Variants in RALGAPA1 observed in about 807,000 individuals in gnomAD.
RALGAPA1 encodes the protein ral GTPase-activating protein subunit alpha-1.
In RALGAPA1, 52 loss-of-function variants were observed where a neutral mutation model predicts 269.6. The observed-to-expected ratio is 0.19, with a 90% confidence interval of 0.15 to 0.24. RALGAPA1 has a LOEUF of 0.24. RALGAPA1 is among the 10% of genes least tolerant of loss of function. The pLI, the probability that RALGAPA1 is intolerant of heterozygous loss-of-function variation, is 1.00. For synonymous variants in RALGAPA1, 817 were observed against 1,008.3 expected (o/e 0.81, Z 3.60); for missense variants, 1,917 against 3,013.9 (o/e 0.64, Z 8.52).
intron 41 of RALGAPA1, among the ~76,000 whole-genome samples, chr14:35,547,960 T>C (rs566141715): frequency 7.9e-5 from 12 of 151,804 alleles, no homozygotes; most frequent in African/African-American, 2.4e-4. Flanking sequence ...TTGTGCCTTT[T>C]GAATTTATTT....
intron 37 of RALGAPA1, 90 bp from the exon 38 acceptor site, chr14:35,572,808 A>G (rs2057308682): frequency 1.1e-6 from 1 of 895,982 alleles, no homozygotes; most frequent in Non-Finnish European, 1.6e-6. Flanking sequence ...GGGAAAAACG[A>G]AATTAAAAAA....
At chr14:35,646,305 A>C (rs1436724013) in intron 31 of RALGAPA1, among the ~76,000 whole-genome samples, 1 of 152,194 alleles carries the variant, frequency 6.6e-6, no homozygotes, top group African/African-American at 2.4e-5. Flanking sequence ...AAAAGGATTA[A>C]ACAGTAGCTT....
intron 24 of RALGAPA1, 103 bp downstream of exon 24, chr14:35,674,077 A>G (rs748551488): frequency 2.5e-6 from 2 of 810,518 alleles, no homozygotes; most frequent in Non-Finnish European, 3.9e-6. Context: ...CTGGTTAAAA[A>G]CTAAGTGCTC....
chr14:35,734,672 A>G (rs1028395461), intron 12 of RALGAPA1, among the ~76,000 whole-genome samples: 14 of 152,334 alleles, frequency 9.2e-5, no homozygotes, highest in African/African-American at 3.4e-4. Context: ...AGAACCCAAA[A>G]GCAGTATAAA....
At chr14:35,543,705 C>T (rs554928190) in intron 41 of RALGAPA1, among the ~76,000 whole-genome samples, 6 of 152,298 alleles carry the variant, frequency 3.9e-5, no homozygotes, top group Non-Finnish European at 5.9e-5. Flanking sequence ...TGCAGTGGCG[C>T]GATTTCAGCT....
intron 6 of RALGAPA1, among the ~76,000 whole-genome samples, chr14:35,757,911 C>G (rs2073328791): frequency 2.0e-5 from 3 of 152,114 alleles, no homozygotes; most frequent in Admixed American, 6.6e-5. Context: ...AAAAATTATT[C>G]TTTAAATTAT....
chr14:35,737,759 C>CAAAAAAAAAAAAAAAAAAAAAAA lies in RALGAPA1; in HGVS notation c.1587+731_1587+753dup, dbSNP rs60152249. Among the ~76,000 whole-genome samples, 4 of 17,418 alleles carry CAAAAAAAAAAAAAAAAAAAAAAA rather than the reference C, an allele frequency of 2.3e-4. 1 individual carries two copies. The highest frequency in any genetic ancestry group is 7.2e-4 in the African/African-American group (3 of 4,172). The allele number at this position is 17,418 out of a possible 152,430, so 11.4% of individuals were successfully genotyped here. A position where few individuals can be genotyped will look rare whatever the true frequency, so the allele number is the denominator to read the frequency against. ...GGGCAACAACAGTGAAAATCCATCTCAAAAAAAAAAAAAAAAAAAAAAAAA... is the reference window on the plus strand; with the variant it reads ...GGGCAACAACAGTGAAAATCCATCTCAAAAAAAAAAAAAAAAAAAAAAAAAAAAAAAAAAAAAAAAAAAAAAAA... On this transcript the variant is annotated intron_variant, in intron 12 of 41. Transcript: ENST00000680220.
At chr14:35,715,445 T>C (rs2068730929) in intron 16 of RALGAPA1, among the ~76,000 whole-genome samples, 1 of 152,182 alleles carries the variant, frequency 6.6e-6, no homozygotes, top group Admixed American at 6.5e-5. Flanking sequence ...TCAAACATGG[T>C]TATTTTATAG....
At chr14:35,548,057 C>A (rs2054607190) in intron 41 of RALGAPA1, among the ~76,000 whole-genome samples, 1 of 152,016 alleles carries the variant, frequency 6.6e-6, no homozygotes, top group Non-Finnish European at 1.5e-5. Context: ...TTTCCTGCTT[C>A]CCTTGAATAC....
intron 7 of RALGAPA1, 54 bp from the exon 8 acceptor site, chr14:35,752,216 G>C: frequency 7.1e-7 from 1 of 1,415,186 alleles, no homozygotes; most frequent in South Asian, 1.5e-5. Context: ...TCTCTTAAAT[G>C]CAAGTATTAG....
intron 41 of RALGAPA1, among the ~76,000 whole-genome samples, chr14:35,540,135 G>C (rs141474165): frequency 6.6e-6 from 1 of 152,010 alleles, no homozygotes; most frequent in East Asian, 1.9e-4. Flanking sequence ...TTGGAACCAC[G>C]GGTTTCAAAA....
chr14:35,586,625 T>A (rs2058310101), intron 37 of RALGAPA1, among the ~76,000 whole-genome samples: 1 of 152,240 alleles, frequency 6.6e-6, no homozygotes, highest in Non-Finnish European at 1.5e-5. Flanking sequence ...ATAAGTCCCA[T>A]CAATACCTAG....
intron 1 of RALGAPA1, among the ~76,000 whole-genome samples, chr14:35,796,080 A>G (rs1040752961): frequency 3.3e-5 from 5 of 152,228 alleles, no homozygotes; most frequent in Admixed American, 6.5e-5. Flanking sequence ...ATAAGAAAAG[A>G]GGATGATCAA....
intron 37 of RALGAPA1, among the ~76,000 whole-genome samples, chr14:35,579,754 A>C (rs4981298): frequency 0.11 from 16,930 of 152,136 alleles, 1,497 homozygotes; most frequent in East Asian, 0.31. Context: ...CATCAGGAGT[A>C]TATATGTAAA....
intron 16 of RALGAPA1, among the ~76,000 whole-genome samples, chr14:35,713,255 A>G (rs1315356032): frequency 6.6e-6 from 1 of 152,194 alleles, no homozygotes; most frequent in Non-Finnish European, 1.5e-5. Context: ...AAGTGAAGAA[A>G]GGTGAGAGAT....
intron 1 of RALGAPA1, among the ~76,000 whole-genome samples, chr14:35,794,872 C>T (rs1411886974): frequency 2.0e-5 from 3 of 152,124 alleles, no homozygotes; most frequent in Non-Finnish European, 2.9e-5. Context: ...AAAGATATTT[C>T]TTTGTGAACC....
At chr14:35,549,061 G>A (rs775742435) in intron 40 of RALGAPA1, 49 bp downstream of exon 40, 47 of 1,596,260 alleles carry the variant, frequency 2.9e-5, no homozygotes, top group African/African-American at 4.0e-5. Context: ...AAAGGGTACT[G>A]CATTTCAAGT....
At chr14:35,636,581 C>T (rs1428131193) in intron 31 of RALGAPA1, among the ~76,000 whole-genome samples, 2 of 152,182 alleles carry the variant, frequency 1.3e-5, no homozygotes, top group African/African-American at 4.8e-5. Flanking sequence ...AGTGCAGTGG[C>T]ATGATCTCAG....
At chr14:35,613,729 A>T (rs1250822993) in intron 35 of RALGAPA1, among the ~76,000 whole-genome samples, 1 of 152,214 alleles carries the variant, frequency 6.6e-6, no homozygotes, top group African/African-American at 2.4e-5. Flanking sequence ...GGACACAAGT[A>T]ATCAGATTTA....
Sources: allele counts gnomAD v4.1 joint callset (sites outside exome capture counted in the v4.1 genomes callset), GRCh38; gene constraint gnomAD v4.1.1; transcripts MANE v1.5; gene names NCBI Gene and HGNC (gene_info 2026-07-23, HGNC 2026-07-21).